The following PTPRM variants were observed in gnomAD, a reference collection of about 807,000 sequenced individuals.
The protein encoded by PTPRM is protein tyrosine phosphatase receptor type M, also known as receptor-type tyrosine-protein phosphatase mu.
PTPRM carries 47 observed loss-of-function variants against 186.7 expected under a neutral mutation model. The ratio of observed to expected loss-of-function variants is 0.25; its 90% CI spans 0.20 to 0.32. The LOEUF is 0.32. Among genes scored for constraint, PTPRM ranks in the 10% least tolerant of loss-of-function variants. PTPRM has a pLI of 1.00. For synonymous variants in PTPRM, 668 were observed against 674.9 expected (o/e 0.99, Z 0.16); for missense variants, 1,494 against 1,865.0 (o/e 0.80, Z 3.66).
intron 14 of PTPRM, among the ~76,000 whole-genome samples, chr18:8,178,947 C>T (rs1468116378): frequency 6.6e-6 from 1 of 152,038 alleles, no homozygotes; most frequent in African/African-American, 2.4e-5. Flanking sequence ...TCTTAAGGTC[C>T]CAAGATAACT....
intron 7 of PTPRM, among the ~76,000 whole-genome samples, chr18:7,965,466 C>G (rs537762565): frequency 1.3e-5 from 2 of 152,056 alleles, no homozygotes; most frequent in East Asian, 3.9e-4. Context: ...ACACATACCC[C>G]AGGAAGGTAG....
At chr18:7,631,931 A>G (rs755216924) in intron 1 of PTPRM, among the ~76,000 whole-genome samples, 17 of 152,244 alleles carry the variant, frequency 1.1e-4, no homozygotes, top group Non-Finnish European at 2.9e-5. Flanking sequence ...GATTGTCAAT[A>G]TATCCTGTGC....
intron 1 of PTPRM, among the ~76,000 whole-genome samples, chr18:7,655,577 A>C (rs1041427100): frequency 5.3e-5 from 8 of 152,374 alleles, no homozygotes; most frequent in African/African-American, 1.9e-4. Context: ...ATATGTTCAC[A>C]TAAAAATCTG....
intron 22 of PTPRM, among the ~76,000 whole-genome samples, chr18:8,324,647 A>G (rs2095364746): frequency 1.3e-5 from 2 of 152,250 alleles, no homozygotes; most frequent in Admixed American, 6.5e-5. Context: ...AGACCTTACC[A>G]TGTGCCAGAC....
chr18:8,244,195 A>G lies in PTPRM; in HGVS notation c.2438A>G (p.Asn813Ser). Residue 813 changes from asparagine to serine, a missense_variant, in exon 15 of 33, where the codon AAT becomes AGT. By Grantham distance (46) the Asn-to-Ser change is conservative. Coordinates refer to ENST00000580170, the MANE Select transcript of PTPRM (RefSeq NM_001105244.2). The part of the protein sequence containing the change: ...DEAFSFMDTH[N>S]LNGRSVSSPS... ...GCTTTCTCATTCATGGACACGCACA[A>G]TCTGAATGGGAGATGTAAGTGCATA... 12 of 1,571,952 alleles carry G rather than the reference A, an allele frequency of 7.6e-6. No individual in the cohort carries two copies. Among genetic ancestry groups the G allele is most frequent in the Non-Finnish European group, 1.0e-5 (12 of 1,164,974 alleles).
At chr18:7,806,179 A>G (rs372339146) in intron 2 of PTPRM, among the ~76,000 whole-genome samples, 2 of 152,180 alleles carry the variant, frequency 1.3e-5, no homozygotes, top group East Asian at 3.9e-4. Flanking sequence ...TTGATGAGCC[A>G]AATTTTCATT....
Position 8,085,800 on chromosome 18 carries a change from T to C in PTPRM, c.1681T>C (p.Phe561Leu). Residue 561 changes from phenylalanine to leucine, a missense_variant, in exon 10 of 33, where the codon TTT (phenylalanine) becomes CTT (leucine). Transcript: ENST00000580170. ...ACTGTATCCGGGGACCACATACTCC[T>C]TTACCATCCGAGCTAGCACAGCTAA... ...FGLYPGTTYS[F>L]TIRASTAKGF... 6.2e-7 allele frequency: 1 copy of C among 1,613,542 alleles called. No homozygotes were observed. The highest frequency in any genetic ancestry group is 8.5e-7 in the Non-Finnish European group (1 of 1,179,652).
In PTPRM at chr18:7,657,434, C is replaced by G. The variant is rs529316059; in HGVS notation, c.73+89543C>G. ...CACATGAGTAGACACACACCTTGCC[C>G]GAGCAGTTGGTGCCATTTAACAGTT... On this transcript the variant is annotated intron_variant, in intron 1 of 32. Transcript: ENST00000580170. Among the ~76,000 whole-genome samples, 3 of 152,300 alleles carry G rather than the reference C, an allele frequency of 2.0e-5. No individual in the cohort carries two copies. In the South Asian group the frequency reaches 6.2e-4, roughly 32 times the overall value.
At position 8,179,916 on chromosome 18, in the gene PTPRM, A is replaced by C. The variant is rs185357557; in HGVS notation, c.2300+36137A>C. On this transcript the variant is annotated intron_variant, in intron 14 of 32. Coordinates refer to ENST00000580170, the MANE Select transcript of PTPRM (RefSeq NM_001105244.2). ...CTTTATAACCTTTGAATTAGACAAC[A>C]GTCATTTTCCTTCTATTAGGAAGTG... Among the ~76,000 whole-genome samples, 873 of 152,314 alleles carry C rather than the reference A, an allele frequency of 5.7e-3. 3 individuals are homozygous for C. Among genetic ancestry groups the C allele is most frequent in the African/African-American group, 0.02 (836 of 41,562 alleles).
chr18:7,984,280 C>G (rs182281997), intron 7 of PTPRM, among the ~76,000 whole-genome samples: 1 of 152,028 alleles, frequency 6.6e-6, no homozygotes, highest in East Asian at 1.9e-4. Flanking sequence ...GTAATGATTG[C>G]AAGAGAGATA....
At chr18:8,045,202 G>T (rs2086962127) in intron 7 of PTPRM, among the ~76,000 whole-genome samples, 1 of 152,058 alleles carries the variant, frequency 6.6e-6, no homozygotes, top group South Asian at 2.1e-4. Flanking sequence ...ACAAAAATTA[G>T]CTGGACGTGA....
intron 14 of PTPRM, among the ~76,000 whole-genome samples, chr18:8,239,378 T>C (rs1466329102): frequency 6.6e-6 from 1 of 152,046 alleles, no homozygotes; most frequent in Admixed American, 6.5e-5. Flanking sequence ...TATTTCAGAG[T>C]GGCTACTTAC....
chr18:7,827,793 A>ATAG (rs1332773306), intron 2 of PTPRM, among the ~76,000 whole-genome samples: 9 of 152,216 alleles, frequency 5.9e-5, no homozygotes, highest in African/African-American at 1.9e-4. Context: ...TTATATATCC[A>ATAG]TAGTGGACAT....
intron 7 of PTPRM, among the ~76,000 whole-genome samples, chr18:7,961,486 T>A (rs2053680234): frequency 6.6e-6 from 1 of 152,262 alleles, no homozygotes; most frequent in Non-Finnish European, 1.5e-5. Context: ...TTGAATTGTA[T>A]ATATTTGTTT....
rs1213463258 is a variant in PTPRM at position 7,585,345 on chromosome 18, A to G, written c.73+17454A>G. Among the ~76,000 whole-genome samples the G allele has an allele frequency of 8.5e-5, 13 of 152,326 alleles. No individual in the cohort carries two copies. The South Asian group carries it at 1.9e-3, about 22-fold the overall frequency. ...TGGTTATCTTAGAGTAGATGCAGAAAGGAGAACATCTGGGAAATTGCAGAG... is the reference window on the plus strand; with the variant it reads ...TGGTTATCTTAGAGTAGATGCAGAAGGGAGAACATCTGGGAAATTGCAGAG... On this transcript the variant is annotated intron_variant, in intron 1 of 32. Transcript: ENST00000580170.
chr18:7,844,356 C>T (rs777577065), intron 2 of PTPRM, among the ~76,000 whole-genome samples: 1 of 152,166 alleles, frequency 6.6e-6, no homozygotes, highest in Non-Finnish European at 1.5e-5. Flanking sequence ...TCTAGGATCT[C>T]AGCCCTTAAA....
intron 22 of PTPRM, among the ~76,000 whole-genome samples, chr18:8,338,283 AT>A (rs548369445): frequency 0.013 from 1,967 of 149,574 alleles, 44 homozygotes; most frequent in African/African-American, 0.041. Context: ...TAATTTAAAA[AT>A]ATATATATAT....
chr18:7,989,815 G>A (rs1314449469), intron 7 of PTPRM, among the ~76,000 whole-genome samples: 2 of 152,044 alleles, frequency 1.3e-5, no homozygotes, highest in Admixed American at 6.6e-5. Context: ...CACCTCTCAC[G>A]GGCCTCACCT....
chr18:7,645,178 A>G (rs1183745734), intron 1 of PTPRM, among the ~76,000 whole-genome samples: 1 of 152,232 alleles, frequency 6.6e-6, no homozygotes, highest in Non-Finnish European at 1.5e-5. Flanking sequence ...AGTGAAACCC[A>G]GCAAATAATT....
Sources: gnomAD v4.1 joint callset for allele counts (sites outside exome capture counted in the v4.1 genomes callset) on GRCh38, gnomAD v4.1.1 for gene constraint, MANE v1.5 for transcripts, NCBI Gene and HGNC (gene_info 2026-07-23, HGNC 2026-07-21) for gene names.